The following SYT11 variants were observed in gnomAD, a reference collection of about 807,000 sequenced individuals.
The protein encoded by SYT11 is synaptotagmin-11.
Under a neutral mutation model 30.4 loss-of-function variants are expected in SYT11, and 12 were observed. The observed-to-expected ratio is 0.39, with a 90% confidence interval of 0.25 to 0.64. The LOEUF is 0.64. SYT11 is among the 30% of genes least tolerant of loss of function. The pLI is 0.45. For missense variants in SYT11, 412 were observed against 552.0 expected, an observed-to-expected ratio of 0.75 and a Z score of 2.54; for synonymous variants, 204 against 216.0, an observed-to-expected ratio of 0.94 and a Z score of 0.49.
intron 2 of SYT11, among the ~76,000 whole-genome samples, chr1:155,875,436 C>T (rs1384656897): frequency 6.6e-6 from 1 of 151,170 alleles, no homozygotes; most frequent in Non-Finnish European, 1.5e-5. Flanking sequence ...GACAGTCTCA[C>T]TCTGTCGCCC....
At chr1:155,871,327 G>A (rs2102560100) in intron 2 of SYT11, among the ~76,000 whole-genome samples, 1 of 152,218 alleles carries the variant, frequency 6.6e-6, no homozygotes, top group East Asian at 1.9e-4. Context: ...TCCCTTCACA[G>A]CAGCTCCCAT....
intron 2 of SYT11, among the ~76,000 whole-genome samples, chr1:155,875,314 C>T (rs1482339812): frequency 6.6e-6 from 1 of 150,866 alleles, no homozygotes; most frequent in Non-Finnish European, 1.5e-5. Flanking sequence ...TGGGGCTTCT[C>T]TCTAGCAGAG....
At chr1:155,872,140 TG>T (rs1260068666) in intron 2 of SYT11, among the ~76,000 whole-genome samples, 1 of 152,114 alleles carries the variant, frequency 6.6e-6, no homozygotes, top group Non-Finnish European at 1.5e-5. Context: ...GGCTCACCCC[TG>T]TAATACTAGC....
intron 1 of SYT11, among the ~76,000 whole-genome samples, chr1:155,862,446 C>T (rs144391175): frequency 2.8e-4 from 43 of 152,246 alleles, no homozygotes; most frequent in African/African-American, 8.4e-4. Context: ...GAAAGAACAG[C>T]AAAAATAGGA....
intron 1 of SYT11, among the ~76,000 whole-genome samples, chr1:155,864,225 T>G (rs1383228444): frequency 6.6e-6 from 1 of 152,230 alleles, no homozygotes; most frequent in Admixed American, 6.5e-5. Flanking sequence ...CACTCCAGCC[T>G]AGGCAATAAA....
rs768542179 is a variant in SYT11, at chr1:155,868,791, G to A, written c.861G>A (p.Gln287=). The A allele has an allele frequency of 3.1e-6, 5 of 1,609,900 alleles. No individual in the cohort carries two copies. The highest frequency in any genetic ancestry group is 1.7e-4 in the Middle Eastern group (1 of 6,038). Residue 287 remains glutamine (Q), a splice_region_variant and synonymous_variant, in exon 2 of 4, where the codon CAG becomes CAA. Coordinates refer to ENST00000368324, the MANE Select transcript of SYT11 (RefSeq NM_152280.5). The surrounding 1 kb of genome is among the most constrained non-coding windows in gnomAD (Gnocchi z 4.7). ...GGGACATCATCAAAAGGAATATCCAGGTGAGTAGGAAGTGTGTGTTGGGGA... is the reference window on the plus strand; with the variant it reads ...GGGACATCATCAAAAGGAATATCCAAGTGAGTAGGAAGTGTGTGTTGGGGA... The part of the protein sequence containing the change: ...LTRDIIKRNI[Q]KCISRGELQV...
chr1:155,871,658 C>T (rs1351170343), intron 2 of SYT11, among the ~76,000 whole-genome samples: 1 of 152,222 alleles, frequency 6.6e-6, no homozygotes, highest in Non-Finnish European at 1.5e-5. Context: ...TTATTAACTC[C>T]CTTGAGGAGG....
chr1:155,865,075 G>A (rs1022425200), intron 1 of SYT11, among the ~76,000 whole-genome samples: 6 of 152,124 alleles, frequency 3.9e-5, no homozygotes, highest in East Asian at 1.9e-4. Flanking sequence ...TTCACTGAAC[G>A]CTTACTACAT....
At position 155,868,584 on chromosome 1, in the gene SYT11, C is replaced by T. The variant is rs1672727910; in HGVS notation, c.654C>T (p.Thr218=). The T allele has an allele frequency of 6.2e-7, 1 of 1,613,978 alleles. No individual in the cohort carries two copies. Among genetic ancestry groups the T allele is most frequent in the Non-Finnish European group, 8.5e-7 (1 of 1,180,014 alleles). ...TGAAGACCAGAGTGCTGCGGAAGAC[C>T]CTGGACCCTGTGTTTGACGAGACCT... ...HRVKTRVLRK[T]LDPVFDETFT... The change falls in exon 2 of 4, where the codon ACC becomes ACT. Residue 218 remains threonine, a synonymous_variant. Transcript: ENST00000368324. This position sits in a 1 kb window ranked among gnomAD's most constrained non-coding sequence, Gnocchi z 4.7.
Position 155,868,224 on chromosome 1 carries a change from AG to A in SYT11, c.295del (p.Ala99GlnfsTer6), listed in dbSNP as rs1672717742. ...GGRRNLLVDA[A>X]EAGLLSRDKD... is the part of the protein sequence containing the mutation. ...GACGTAGGAACCTGTTGGTGGACGC[AG>A]CAGAGGCTGGCCTGCTAAGCCGAGA... is the stretch of plus-strand genomic sequence containing the variant. On this transcript the variant is annotated frameshift_variant, in exon 2 of 4. Transcript: ENST00000368324. LOFTEE classifies it high-confidence loss of function. This position sits in a 1 kb window ranked among gnomAD's most constrained non-coding sequence, Gnocchi z 4.7. 6.2e-7 allele frequency: 1 copy of A among 1,614,028 alleles called. No individual in the cohort carries two copies. Among genetic ancestry groups the A allele is most frequent in the Non-Finnish European group, 8.5e-7 (1 of 1,180,020 alleles).
chr1:155,878,988 C>T (rs1288091068), intron 2 of SYT11, among the ~76,000 whole-genome samples: 1 of 152,196 alleles, frequency 6.6e-6, no homozygotes, highest in Non-Finnish European at 1.5e-5. Flanking sequence ...ATTTCTCTGA[C>T]AAGTCCCGCA....
At chr1:155,861,695 C>G (rs562648676) in intron 1 of SYT11, among the ~76,000 whole-genome samples, 1 of 152,254 alleles carries the variant, frequency 6.6e-6, no homozygotes, top group East Asian at 1.9e-4. Context: ...CTTGGCCCAC[C>G]ACAACCTCTG....
chr1:155,861,346 T>C (rs1243348793), intron 1 of SYT11, among the ~76,000 whole-genome samples: 1 of 152,208 alleles, frequency 6.6e-6, no homozygotes, highest in Non-Finnish European at 1.5e-5. Flanking sequence ...CTTATTCCCT[T>C]CCAACAGATT....
At position 155,868,300 on chromosome 1, in the gene SYT11, A is replaced by G; in HGVS notation, c.370A>G (p.Ile124Val). ...SSGSCIDQLP[I>V]KMDYGEELRS... is the part of the protein sequence containing the mutation. Reference sequence around the variant, plus strand: ...TGGATCTTGTATAGACCAATTACCCATCAAAATGGACTATGGGGAAGAACT... The same window carrying G: ...TGGATCTTGTATAGACCAATTACCCGTCAAAATGGACTATGGGGAAGAACT... Residue 124 changes from isoleucine to valine, a missense_variant, in exon 2 of 4, where the codon ATC (isoleucine) becomes GTC (valine). Physicochemically the swap from Ile to Val is conservative, Grantham distance 29 (BLOSUM62 3). Coordinates refer to ENST00000368324, the MANE Select transcript of SYT11 (RefSeq NM_152280.5). This position sits in a 1 kb window ranked among gnomAD's most constrained non-coding sequence, Gnocchi z 4.7. 6.2e-7 allele frequency: 1 copy of G among 1,613,946 alleles called. No individual in the cohort carries two copies. Among genetic ancestry groups the G allele is most frequent in the Non-Finnish European group, 8.5e-7 (1 of 1,179,978 alleles).
chr1:155,881,720 A>G lies in SYT11; in HGVS notation c.*212A>G, dbSNP rs1672966807. The G allele has an allele frequency of 6.7e-6, 3 of 445,560 alleles. No homozygotes were observed. The highest frequency in any genetic ancestry group is 2.0e-5 in the African/African-American group (1 of 49,586). The allele number at this position is 445,560 out of a possible 1,614,324, so 27.6% of individuals were successfully genotyped here. On this transcript the variant is annotated 3_prime_UTR_variant, in exon 4 of 4. Coordinates refer to ENST00000368324, the MANE Select transcript of SYT11 (RefSeq NM_152280.5). ...TTTTTCTGCTTTGCAAGGCGCTAGA[A>G]TCTTTTATTTTACTTTATTTTTTTT...
rs1672723432 is a variant in SYT11 at position 155,868,409 on chromosome 1, C to A, written c.479C>A (p.Ser160Tyr). 1 of 1,614,032 alleles carries A rather than the reference C, an allele frequency of 6.2e-7. No individual in the cohort carries two copies. The highest frequency in any genetic ancestry group is 8.5e-7 in the Non-Finnish European group (1 of 1,179,968). ...CCAGAGGAGGATGTCATGCTAGGAT[C>A]CCTCACCTTCTCAGTGGACTATAAC... ...SSPEEDVMLGSLTFSVDYNFP... is the reference protein window; with the variant it reads ...SSPEEDVMLGYLTFSVDYNFP... The change falls in exon 2 of 4, where the codon TCC (serine) becomes TAC (tyrosine). Residue 160 changes from serine to tyrosine, a missense_variant. Physicochemically the swap from Ser to Tyr is moderately radical, Grantham distance 144. Transcript: ENST00000368324. This position sits in a 1 kb window ranked among gnomAD's most constrained non-coding sequence, Gnocchi z 4.7.
At position 155,883,144 on chromosome 1, in the gene SYT11, C is replaced by T. The variant is rs1050664051; in HGVS notation, c.*1636C>T. ...GCAATAGAGGTTGAGAGAGATTCAG[C>T]ATCTTTCTGGGATTAGAATTCAAGT... On this transcript the variant is annotated 3_prime_UTR_variant, in exon 4 of 4. Coordinates refer to ENST00000368324, the MANE Select transcript of SYT11 (RefSeq NM_152280.5). 2 of 152,316 alleles carry T rather than the reference C, an allele frequency of 1.3e-5. No homozygotes were observed. Among genetic ancestry groups the T allele is most frequent in the African/African-American group, 4.8e-5 (2 of 41,438 alleles). 9.4% of individuals were successfully genotyped at this position (152,316 alleles called of 1,614,324 possible). A position where few individuals can be genotyped will look rare whatever the true frequency, so the allele number is the denominator to read the frequency against.
chr1:155,862,120 A>C (rs781271688), intron 1 of SYT11, among the ~76,000 whole-genome samples: 4 of 152,246 alleles, frequency 2.6e-5, no homozygotes, highest in Non-Finnish European at 5.9e-5. Flanking sequence ...GATCTCCTAC[A>C]TAGAGAACTA....
chr1:155,866,125 T>G (rs577859834), intron 1 of SYT11, among the ~76,000 whole-genome samples: 52 of 147,560 alleles, frequency 3.5e-4, no homozygotes, highest in African/African-American at 1.2e-3. Flanking sequence ...TCTTTTTTTT[T>G]TTTTTGAGAT....
Sources: allele counts gnomAD v4.1 joint callset (sites outside exome capture counted in the v4.1 genomes callset), GRCh38; gene constraint gnomAD v4.1.1; non-coding constraint Gnocchi (gnomAD v3.1); transcripts MANE v1.5; gene names NCBI Gene and HGNC (gene_info 2026-07-23, HGNC 2026-07-21).